PRRC1: variants seen among roughly 807,000 people sequenced by gnomAD.
PRRC1 encodes proline rich coiled-coil 1.
A neutral mutation model predicts 40.7 loss-of-function variants in PRRC1; 39 were observed. The ratio of observed to expected loss-of-function variants is 0.96; its 90% CI spans 0.74 to 1.25. PRRC1 has a LOEUF of 1.25. Among genes scored for constraint, PRRC1 ranks in the 50% most tolerant of loss-of-function variants. The pLI, the probability that PRRC1 is intolerant of heterozygous loss-of-function variation, is 0.00. For missense variants in PRRC1, 573 were observed against 548.3 expected (o/e 1.05, Z -0.45); for synonymous variants, 175 against 193.3 (o/e 0.91, Z 0.79).
intron 4 of PRRC1, 21 bp downstream of exon 4, chr5:127,526,799 A>G: frequency 6.5e-7 from 1 of 1,532,576 alleles, no homozygotes; most frequent in South Asian, 1.3e-5. Context: ...TTTAAAAATT[A>G]TGTTTAATTT....
At chr5:127,541,122 TGAGATA>T (rs1402499845) in intron 7 of PRRC1, among the ~76,000 whole-genome samples, 4 of 152,220 alleles carry the variant, frequency 2.6e-5, no homozygotes. Context: ...CTGCATCTAT[TGAGATA>T]ATCATGTAGT....
rs1768468375 is a variant in PRRC1, at chr5:127,554,210, C to T, written c.*2294C>T. 4.9e-6 allele frequency: 1 copy of T among 202,110 alleles called. No homozygotes were observed. The highest frequency in any genetic ancestry group is 1.2e-4 in the South Asian group (1 of 8,442). 12.5% of individuals were successfully genotyped at this position (202,110 alleles called of 1,614,324 possible). On this transcript the variant is annotated 3_prime_UTR_variant, in exon 9 of 9. Coordinates refer to ENST00000296666, the MANE Select transcript of PRRC1 (RefSeq NM_130809.5). ...CAGTCTCAGGCCACAGTTTCCTTCA[C>T]TAATCGTCCAGCTTGAGTGTTCTGT...
chr5:127,523,090 G>A (rs1250253654), intron 1 of PRRC1, among the ~76,000 whole-genome samples: 1 of 152,148 alleles, frequency 6.6e-6, no homozygotes, highest in Admixed American at 6.5e-5. Flanking sequence ...GGGATTATAG[G>A]CATGGGACAC....
intron 1 of PRRC1, 36 bp from the exon 2 acceptor site, chr5:127,523,424 C>G: frequency 1.0e-6 from 1 of 995,394 alleles, no homozygotes; most frequent in Non-Finnish European, 1.5e-6. Context: ...CTTTTGGTTA[C>G]TGTGTAATAT....
intron 7 of PRRC1, among the ~76,000 whole-genome samples, chr5:127,543,765 T>C (rs1184332922): frequency 2.0e-5 from 3 of 152,328 alleles, no homozygotes; most frequent in Middle Eastern, 3.4e-3. Flanking sequence ...ATTCTAGTTA[T>C]ACATTCGTCT....
chr5:127,521,398 T>C (rs1490911161), intron 1 of PRRC1, among the ~76,000 whole-genome samples: 2 of 152,124 alleles, frequency 1.3e-5, no homozygotes, highest in African/African-American at 4.8e-5. Flanking sequence ...CTCTTTAAAA[T>C]AGCCAGTTGG....
chr5:127,523,510 C>T lies in PRRC1; in HGVS notation c.31C>T (p.Pro11Ser), dbSNP rs1767519681. Residue 11 changes from proline (P) to serine (S), a missense_variant, in exon 2 of 9, where the codon CCA (proline) becomes TCA (serine). Coordinates refer to ENST00000296666, the MANE Select transcript of PRRC1 (RefSeq NM_130809.5). MMEESGIETT[P>S]PGTPPPNPAG... ...GGAAGAGAGTGGAATAGAGACAACA[C>T]CACCTGGGACTCCTCCACCAAATCC... 3 of 1,611,804 alleles carry T rather than the reference C, an allele frequency of 1.9e-6. No individual in the cohort carries two copies. The highest frequency in any genetic ancestry group is 1.1e-5 in the South Asian group (1 of 90,638).
At position 127,553,853 on chromosome 5, in the gene PRRC1, C is replaced by G. The variant is rs562779839; in HGVS notation, c.*1937C>G. The stretch of plus-strand genomic sequence containing the variant: ...GTGGCAGTCCATGGCTTGGTTGAAG[C>G]TAGAAATTTTCCTGCCCCTGGTGAC... On this transcript the variant is annotated 3_prime_UTR_variant, in exon 9 of 9. Coordinates refer to ENST00000296666, the MANE Select transcript of PRRC1 (RefSeq NM_130809.5). 96 of 1,535,756 alleles carry G rather than the reference C, an allele frequency of 6.3e-5. No homozygotes were observed. Among genetic ancestry groups the G allele is most frequent in the Non-Finnish European group, 8.3e-5 (95 of 1,146,672 alleles).
At chr5:127,520,781 T>TAC (rs757082844) in intron 1 of PRRC1, among the ~76,000 whole-genome samples, 1 of 152,098 alleles carries the variant, frequency 6.6e-6, no homozygotes, top group Admixed American at 6.6e-5. Context: ...ACTATGCACA[T>TAC]ACACACACAC....
chr5:127,536,470 A>ACTTG (rs1283258424), intron 6 of PRRC1, among the ~76,000 whole-genome samples: 1 of 152,100 alleles, frequency 6.6e-6, no homozygotes, highest in Non-Finnish European at 1.5e-5. Flanking sequence ...ATTTCCCAAG[A>ACTTG]GGTTTTGCAA....
intron 6 of PRRC1, among the ~76,000 whole-genome samples, chr5:127,535,206 A>G (rs761532275): frequency 2.6e-5 from 4 of 152,108 alleles, no homozygotes; most frequent in Non-Finnish European, 5.9e-5. Context: ...CATATTTTTG[A>G]TTCATTAATA....
At position 127,517,740 on chromosome 5, in the gene PRRC1, T is replaced by TCTTCAGCG. The variant is rs1476942729; in HGVS notation, c.-56_-49dup. ...TCCCGACCTCCCTATCATACCACAC[T>TCTTCAGCG]CTTCAGCGACCACGCAGGCACTTTC... On this transcript the variant is annotated 5_prime_UTR_variant, in exon 1 of 9. Coordinates refer to ENST00000296666, the MANE Select transcript of PRRC1 (RefSeq NM_130809.5). 72 of 152,372 alleles carry TCTTCAGCG rather than the reference T, an allele frequency of 4.7e-4. No individual in the cohort carries two copies. Among genetic ancestry groups the TCTTCAGCG allele is most frequent in the African/African-American group, 1.7e-3 (72 of 41,550 alleles). The allele number at this position is 152,372 out of a possible 1,614,324, so 9.4% of individuals were successfully genotyped here. A position where few individuals can be genotyped will look rare whatever the true frequency, so the allele number is the denominator to read the frequency against.
Position 127,539,459 on chromosome 5 carries a change from T to C in PRRC1, c.1025+316T>C, listed in dbSNP as rs148709248. Among the ~76,000 whole-genome samples, 40 of 152,248 alleles carry C rather than the reference T, an allele frequency of 2.6e-4. No individual in the cohort carries two copies. The East Asian group carries it at 7.3e-3, about 28-fold the overall frequency. Reference sequence around the variant, plus strand: ...TGACCATGAGTAGCAAACACAATTATTCTCATAGTTATTCAAAGTCGTGGA... The same window carrying C: ...TGACCATGAGTAGCAAACACAATTACTCTCATAGTTATTCAAAGTCGTGGA... On this transcript the variant is annotated intron_variant, in intron 7 of 8. Transcript: ENST00000296666.
At chr5:127,524,990 T>C in intron 3 of PRRC1, 70 bp downstream of exon 3, 1 of 1,378,040 alleles carries the variant, frequency 7.3e-7, no homozygotes, top group South Asian at 1.5e-5. Context: ...AAATAATAGC[T>C]TTGTTGAGAT....
In PRRC1 at chr5:127,552,332, T is replaced by G; in HGVS notation, c.*416T>G. 9.8e-7 allele frequency: 1 copy of G among 1,023,814 alleles called. No individual in the cohort carries two copies. Among genetic ancestry groups the G allele is most frequent in the African/African-American group, 1.7e-5 (1 of 58,072 alleles). 63.4% of individuals were successfully genotyped at this position (1,023,814 alleles called of 1,614,324 possible). A position where few individuals can be genotyped will look rare whatever the true frequency, so the allele number is the denominator to read the frequency against. On this transcript the variant is annotated 3_prime_UTR_variant, in exon 9 of 9. Transcript: ENST00000296666. ...TGATTTGCTTTGGCTTCATCTCTTT[T>G]CTGTCAGTCTTTGACTACTTTTGTA...
At chr5:127,519,310 G>C (rs895121535) in intron 1 of PRRC1, among the ~76,000 whole-genome samples, 4 of 152,150 alleles carry the variant, frequency 2.6e-5, no homozygotes, top group African/African-American at 9.7e-5. Context: ...CAGCCTCCCC[G>C]GATCCCTGTT....
At chr5:127,521,993 T>A (rs1767472653) in intron 1 of PRRC1, among the ~76,000 whole-genome samples, 1 of 152,198 alleles carries the variant, frequency 6.6e-6, no homozygotes, top group South Asian at 2.1e-4. Context: ...TACCATTCAT[T>A]GTAAATTGGT....
intron 4 of PRRC1, among the ~76,000 whole-genome samples, chr5:127,527,092 T>C (rs1285352172): frequency 1.3e-5 from 2 of 152,232 alleles, no homozygotes; most frequent in Admixed American, 6.5e-5. Context: ...GTTTCTCTTA[T>C]GGCTGCTTCA....
chr5:127,548,015 A>G (rs760554269), intron 8 of PRRC1, 94 bp downstream of exon 8: 1 of 844,542 alleles, frequency 1.2e-6, no homozygotes, highest in East Asian at 2.5e-5. Context: ...TGTTAGAAAT[A>G]TGTTCTTGAT....
Sources: allele counts gnomAD v4.1 joint callset (sites outside exome capture counted in the v4.1 genomes callset), GRCh38; gene constraint gnomAD v4.1.1; transcripts MANE v1.5; gene names NCBI Gene and HGNC (gene_info 2026-07-23, HGNC 2026-07-21).